Variants in ZNF385D observed in about 807,000 individuals in gnomAD.
ZNF385D encodes the protein zinc finger protein 385D, also known as zinc finger protein 659.
Under a neutral mutation model 35.8 loss-of-function variants are expected in ZNF385D, and 15 were observed. The observed-to-expected ratio is 0.42, with a 90% CI of 0.28 to 0.64. The LOEUF (loss-of-function observed/expected upper bound fraction) is 0.64. Ranked by LOEUF, ZNF385D falls within the 30% of genes least tolerant of loss-of-function variation. The pLI is 0.23. For synonymous variants in ZNF385D, 212 were observed against 186.8 expected, an observed-to-expected ratio of 1.13 and a Z score of -1.10; for missense variants, 474 against 494.6, an observed-to-expected ratio of 0.96 and a Z score of 0.39.
intron 4 of ZNF385D, among the ~76,000 whole-genome samples, chr3:21,460,661 T>C (rs962826743): frequency 6.6e-6 from 1 of 151,994 alleles, no homozygotes. Flanking sequence ...TAAAAAATAT[T>C]TTATATCATT....
intron 1 of ZNF385D, among the ~76,000 whole-genome samples, chr3:21,674,398 T>C (rs1233736008): frequency 6.6e-6 from 1 of 152,084 alleles, no homozygotes; most frequent in Non-Finnish European, 1.5e-5. Context: ...TATGGGTAAA[T>C]AAGCCTGATA....
chr3:21,817,948 A>C (rs1247690456), intron 3 of ZNF385D, among the ~76,000 whole-genome samples: 1 of 152,236 alleles, frequency 6.6e-6, no homozygotes, highest in African/African-American at 2.4e-5. Flanking sequence ...TCAGTGACAG[A>C]CTGGATTAAG....
intron 3 of ZNF385D, among the ~76,000 whole-genome samples, chr3:22,148,684 G>T (rs896041296): frequency 6.6e-6 from 1 of 152,142 alleles, no homozygotes. Flanking sequence ...GATCTACATG[G>T]TCGTAATTAG....
At chr3:21,710,496 C>T (rs2068061340) in intron 1 of ZNF385D, among the ~76,000 whole-genome samples, 1 of 152,250 alleles carries the variant, frequency 6.6e-6, no homozygotes, top group Middle Eastern at 3.4e-3. Flanking sequence ...TCATAATCCT[C>T]CATAACCTGA....
At chr3:22,355,226 G>A (rs145200253) in intron 2 of ZNF385D, among the ~76,000 whole-genome samples, 1 of 151,984 alleles carries the variant, frequency 6.6e-6, no homozygotes, top group African/African-American at 2.4e-5. Context: ...ATCTTTATGG[G>A]TATGAGATAT....
intron 2 of ZNF385D, among the ~76,000 whole-genome samples, chr3:22,312,521 T>C (rs1345810897): frequency 6.6e-6 from 1 of 151,748 alleles, no homozygotes; most frequent in African/African-American, 2.4e-5. Context: ...AGGGCTAATA[T>C]CCAGAATCTA....
chr3:22,357,073 T>G (rs912886932), intron 2 of ZNF385D, among the ~76,000 whole-genome samples: 4 of 151,904 alleles, frequency 2.6e-5, no homozygotes, highest in African/African-American at 9.7e-5. Flanking sequence ...AAAAGAAAAT[T>G]CCATCATTGA....
At chr3:21,514,319 C>T (rs1707421147) in intron 3 of ZNF385D, among the ~76,000 whole-genome samples, 2 of 152,070 alleles carry the variant, frequency 1.3e-5, no homozygotes, top group Non-Finnish European at 2.9e-5. Flanking sequence ...TACCGTATTT[C>T]AGAATTTTGT....
At chr3:21,809,849 C>G (rs1321668939) in intron 3 of ZNF385D, among the ~76,000 whole-genome samples, 1 of 151,866 alleles carries the variant, frequency 6.6e-6, no homozygotes, top group South Asian at 2.1e-4. Context: ...CAAAAGCTAA[C>G]AGATAACCTG....
chr3:21,501,631 TG>T (rs1164777746), intron 4 of ZNF385D, among the ~76,000 whole-genome samples: 3 of 152,260 alleles, frequency 2.0e-5, no homozygotes, highest in African/African-American at 7.2e-5. Context: ...GATACTCATT[TG>T]ACATTCTGTC....
chr3:21,881,048 A>C (rs1244892175), intron 3 of ZNF385D, among the ~76,000 whole-genome samples: 1 of 151,986 alleles, frequency 6.6e-6, no homozygotes, highest in Non-Finnish European at 1.5e-5. Context: ...AAGTTTAAGG[A>C]AAGAAGCCAT....
At chr3:22,348,606 G>A (rs1329340610) in intron 2 of ZNF385D, among the ~76,000 whole-genome samples, 4 of 151,088 alleles carry the variant, frequency 2.6e-5, no homozygotes, top group East Asian at 2.0e-4. Context: ...TGGAAGTTGC[G>A]GTGAGCCGAG....
intron 4 of ZNF385D, among the ~76,000 whole-genome samples, chr3:21,487,299 T>G (rs1035418126): frequency 6.6e-6 from 1 of 151,864 alleles, no homozygotes; most frequent in African/African-American, 2.4e-5. Context: ...TAGTGGGTTT[T>G]TTTTCTAAAT....
chr3:22,314,826 C>A (rs1385663620), intron 2 of ZNF385D, among the ~76,000 whole-genome samples: 1 of 152,072 alleles, frequency 6.6e-6, no homozygotes, highest in African/African-American at 2.4e-5. Context: ...TAGGCCTGGA[C>A]TATGTGGTTT....
chr3:21,758,482 G>C (rs896882199), intron 3 of ZNF385D, among the ~76,000 whole-genome samples: 1 of 152,150 alleles, frequency 6.6e-6, no homozygotes, highest in African/African-American at 2.4e-5. Context: ...AGGAACCAGA[G>C]GGCCAGTCAA....
intron 3 of ZNF385D, among the ~76,000 whole-genome samples, chr3:21,816,758 C>T (rs941087139): frequency 6.6e-6 from 1 of 152,126 alleles, no homozygotes; most frequent in African/African-American, 2.4e-5. Flanking sequence ...GGCCATACTG[C>T]CCAAGGTAAT....
intron 3 of ZNF385D, among the ~76,000 whole-genome samples, chr3:22,067,044 C>T (rs1174089146): frequency 6.6e-6 from 1 of 152,158 alleles, no homozygotes; most frequent in African/African-American, 2.4e-5. Context: ...GATCTTCTCT[C>T]CTCAGTGGAA....
chr3:21,436,937 T>G (rs1316323755), intron 5 of ZNF385D, 33 bp downstream of exon 5: 2 of 1,592,774 alleles, frequency 1.3e-6, no homozygotes, highest in Non-Finnish European at 8.6e-7. Context: ...ATTGCAGAGC[T>G]GTTGAAACAA....
At chr3:21,966,018 A>G (rs1451669402) in intron 3 of ZNF385D, among the ~76,000 whole-genome samples, 5 of 152,200 alleles carry the variant, frequency 3.3e-5, no homozygotes, top group Admixed American at 2.6e-4. Context: ...GGGAATGTAG[A>G]AAAGTTTACA....
Sources: allele counts gnomAD v4.1 joint callset (sites outside exome capture counted in the v4.1 genomes callset), GRCh38; gene constraint gnomAD v4.1.1; transcripts MANE v1.5; gene names NCBI Gene and HGNC (gene_info 2026-07-23, HGNC 2026-07-21).